The following MARCO variants were observed in gnomAD, a reference collection of about 807,000 sequenced individuals.
MARCO encodes the protein macrophage receptor MARCO.
Under a neutral mutation model 70.0 loss-of-function variants are expected in MARCO, and 72 were observed. That is an observed-to-expected ratio of 1.03 (90% confidence interval 0.85 to 1.25). The LOEUF is 1.25. MARCO is among the 50% of genes most tolerant of loss of function. The probability of loss-of-function intolerance (pLI) is 0.00; values close to 1 mark genes in which losing one functional copy is unlikely to be tolerated. For missense variants in MARCO, 696 were observed against 659.3 expected (o/e 1.06, Z -0.61); for synonymous variants, 273 against 243.1 (o/e 1.12, Z -1.14).
At chr2:118,984,106 G>C (rs1309158892) in intron 12 of MARCO, among the ~76,000 whole-genome samples, 1 of 152,180 alleles carries the variant, frequency 6.6e-6, no homozygotes, top group Non-Finnish European at 1.5e-5. Context: ...GCCAGTACAA[G>C]ACAAAGCTTG....
At chr2:118,987,507 C>G (rs1680539552) in intron 12 of MARCO, among the ~76,000 whole-genome samples, 1 of 152,200 alleles carries the variant, frequency 6.6e-6, no homozygotes, top group African/African-American at 2.4e-5. Context: ...GAAGGCATTT[C>G]ATCAAGGTCC....
rs1297660089 is a variant in MARCO, at chr2:118,971,701, T to G, written c.460+167T>G. 1.3e-5 allele frequency among the ~76,000 whole-genome samples: 2 copies of G among 152,210 alleles called. No homozygotes were observed. Among genetic ancestry groups the G allele is most frequent in the African/African-American group, 4.8e-5 (2 of 41,462 alleles). ...TGGGTCTCCTCTCTGTTCCCAGAAC[T>G]TAACTGGACTCCCAGACCCTGGGCT... On this transcript the variant is annotated intron_variant, in intron 4 of 16. Transcript: ENST00000327097.
At chr2:118,961,478 A>G (rs576490678) in intron 1 of MARCO, among the ~76,000 whole-genome samples, 1 of 152,122 alleles carries the variant, frequency 6.6e-6, no homozygotes, top group African/African-American at 2.4e-5. Flanking sequence ...GTGATGTTGA[A>G]CTTTCTTTTC....
intron 12 of MARCO, among the ~76,000 whole-genome samples, chr2:118,986,586 G>GAAGAAGGAAAGA (rs1680489492): frequency 2.1e-5 from 1 of 46,666 alleles, no homozygotes; most frequent in Non-Finnish European, 3.7e-5. Flanking sequence ...GGGAAGGAAA[G>GAAGAAGGAAAGA]AAGAAAGAAA....
rs148276954 is a variant in MARCO at position 118,967,708 on chromosome 2, C to T, written c.98-1452C>T. 3.3e-3 allele frequency among the ~76,000 whole-genome samples: 501 copies of T among 152,160 alleles called. 4 individuals carry two copies. The highest frequency in any genetic ancestry group is 0.012 in the African/African-American group (481 of 41,498). On this transcript the variant is annotated intron_variant, in intron 1 of 16. Transcript: ENST00000327097. ...TTCTCAAGCAGGGGTCCCTGCTGTG[C>T]GGGGGTTGGAAGGAATATCAGCAGG... is the stretch of plus-strand genomic sequence containing the variant.
rs192966674 is a variant in MARCO, at chr2:118,945,133, C to A, written c.97+2736C>A. 5.9e-5 allele frequency among the ~76,000 whole-genome samples: 9 copies of A among 152,234 alleles called. No homozygotes were observed. The East Asian group carries it at 1.7e-3, about 29-fold the overall frequency. ...CAGGGTCTCACAGAATCCCAGGTCT[C>A]TCCTCAGAGCCATAGAAACTGCTCT... On this transcript the variant is annotated intron_variant, in intron 1 of 16. Coordinates refer to ENST00000327097, the MANE Select transcript of MARCO (RefSeq NM_006770.4).
chr2:118,967,106 C>T (rs1680066602), intron 1 of MARCO, among the ~76,000 whole-genome samples: 1 of 152,162 alleles, frequency 6.6e-6, no homozygotes, highest in Non-Finnish European at 1.5e-5. Flanking sequence ...TTTGGGGAGA[C>T]AGAGACAAAA....
intron 1 of MARCO, among the ~76,000 whole-genome samples, chr2:118,957,332 AG>A (rs1445133684): frequency 6.6e-6 from 1 of 152,138 alleles, no homozygotes; most frequent in Non-Finnish European, 1.5e-5. Flanking sequence ...GAAATACAAA[AG>A]ATCATTCAAG....
intron 1 of MARCO, among the ~76,000 whole-genome samples, chr2:118,959,553 C>G (rs1679903025): frequency 6.6e-6 from 1 of 152,182 alleles, no homozygotes; most frequent in South Asian, 2.1e-4. Context: ...TAAACTAGGA[C>G]AGCTGCTATG....
At chr2:118,956,002 C>T (rs1442238032) in intron 1 of MARCO, among the ~76,000 whole-genome samples, 1 of 152,086 alleles carries the variant, frequency 6.6e-6, no homozygotes, top group Non-Finnish European at 1.5e-5. Context: ...AGAAATACAT[C>T]AAAACAGAAT....
At chr2:118,954,217 G>A (rs1679784367) in intron 1 of MARCO, among the ~76,000 whole-genome samples, 1 of 152,174 alleles carries the variant, frequency 6.6e-6, no homozygotes, top group African/African-American at 2.4e-5. Context: ...CACACTTGGG[G>A]CTGTTGCTGG....
chr2:118,971,605 T>G (rs1680173139), intron 4 of MARCO, 71 bp downstream of exon 4: 1 of 1,535,768 alleles, frequency 6.5e-7, no homozygotes, highest in African/African-American at 1.4e-5. Flanking sequence ...CCTTGGCCTG[T>G]GCCATTCTGG....
At chr2:118,982,303 C>T (rs1680409366) in intron 11 of MARCO, 45 bp from the exon 12 acceptor site, 2 of 1,612,682 alleles carry the variant, frequency 1.2e-6, no homozygotes, top group South Asian at 1.1e-5. Flanking sequence ...GTGTGAAAAC[C>T]TGCCTAGTCC....
chr2:118,942,346 AC>A lies in MARCO; in HGVS notation c.49del (p.Gln17AsnfsTer26). The A allele has an allele frequency of 1.9e-6, 3 of 1,613,886 alleles. No homozygotes were observed. The highest frequency in any genetic ancestry group is 1.7e-6 in the Non-Finnish European group (2 of 1,179,848). ...CAAGGAGGACGAGCTCTTGAGTGAG[AC>A]CCAACAAGCTGCTTTTCACCAAATT... Reference protein sequence around the residue: ...ILKEDELLSETQQAAFHQIAM... With the variant: ...ILKEDELLSEXQQAAFHQIAM... On this transcript the variant is annotated frameshift_variant, in exon 1 of 17. Transcript: ENST00000327097. LOFTEE classifies it high-confidence loss of function.
Position 118,970,152 on chromosome 2 carries a change from T to C in MARCO, c.238T>C (p.Tyr80His). 1 of 1,614,140 alleles carries C rather than the reference T, an allele frequency of 6.2e-7. No individual in the cohort carries two copies. Among genetic ancestry groups the C allele is most frequent in the Non-Finnish European group, 8.5e-7 (1 of 1,180,024 alleles). The change falls in exon 3 of 17, where the codon TAT becomes CAT. Residue 80 changes from tyrosine (Y) to histidine (H), a missense_variant. Transcript: ENST00000327097. ...GGCGCGGCTCCGGGTCCTGGAGATG[T>C]ATTTCCTCAATGACACTCTGGCGGC... The part of the protein sequence containing the change: ...LQARLRVLEM[Y>H]FLNDTLAAED...
intron 12 of MARCO, among the ~76,000 whole-genome samples, chr2:118,985,605 C>A (rs1680470611): frequency 6.6e-6 from 1 of 152,158 alleles, no homozygotes; most frequent in African/African-American, 2.4e-5. Context: ...TGTCCAGCCT[C>A]CATCACTTAG....
At chr2:118,948,121 G>T (rs560835860) in intron 1 of MARCO, among the ~76,000 whole-genome samples, 3 of 152,210 alleles carry the variant, frequency 2.0e-5, no homozygotes, top group Admixed American at 6.5e-5. Flanking sequence ...ATAGATAATT[G>T]GTGCCAGGAA....
chr2:118,980,694 C>T (rs1680372812), intron 8 of MARCO, among the ~76,000 whole-genome samples: 1 of 152,152 alleles, frequency 6.6e-6, no homozygotes, highest in African/African-American at 2.4e-5. Context: ...GCACGGACAC[C>T]CAGCTGATGG....
At chr2:118,960,943 C>T (rs62157404) in intron 1 of MARCO, among the ~76,000 whole-genome samples, 5,114 of 152,034 alleles carry the variant, frequency 0.034, 148 homozygotes, top group Non-Finnish European at 0.047. Context: ...CTTGTGTCCA[C>T]GTGTTCTCAT....
Sources: allele counts gnomAD v4.1 joint callset (sites outside exome capture counted in the v4.1 genomes callset), GRCh38; gene constraint gnomAD v4.1.1; transcripts MANE v1.5; gene names NCBI Gene and HGNC (gene_info 2026-07-23, HGNC 2026-07-21).